TRPM2: variants seen among roughly 807,000 people sequenced by gnomAD.
TRPM2 encodes estrogen-responsive element-associated gene 1 protein.
In TRPM2, 161 loss-of-function variants were observed where a neutral mutation model predicts 174.0. The observed-to-expected ratio is 0.93, with a 90% CI of 0.81 to 1.05. The LOEUF is 1.05. TRPM2 is among the 50% of genes least tolerant of loss of function. The pLI is 0.00. For synonymous variants in TRPM2, 954 were observed against 861.3 expected, an observed-to-expected ratio of 1.11 and a Z score of -1.88; for missense variants, 2,057 against 2,038.0, an observed-to-expected ratio of 1.01 and a Z score of -0.18.
Position 44,432,856 on chromosome 21 carries a change from C to T in TRPM2, c.3975-2275C>T, listed in dbSNP as rs774792519. Among the ~76,000 whole-genome samples, 26 of 152,154 alleles carry T rather than the reference C, an allele frequency of 1.7e-4. No individual in the cohort carries two copies. Among genetic ancestry groups the T allele is most frequent in the Non-Finnish European group, 3.1e-4 (21 of 68,036 alleles). ...CGTGTGATTGCTGTAGCCAGACTGT[C>T]GCTGTTTTTGCGCTTTGGGGTTGTG... On this transcript the variant is annotated intron_variant, in intron 27 of 31. Coordinates refer to ENST00000397928, the MANE Select transcript of TRPM2 (RefSeq NM_003307.4). This position sits in a 1 kb window ranked among gnomAD's most constrained non-coding sequence, Gnocchi z 4.9.
chr21:44,392,712 G>C (rs948880557), intron 11 of TRPM2, among the ~76,000 whole-genome samples: 2 of 152,006 alleles, frequency 1.3e-5, no homozygotes, highest in East Asian at 1.9e-4. Flanking sequence ...TGAATTTTAG[G>C]GGGGACAGAG....
At position 44,435,008 on chromosome 21, in the gene TRPM2, C is replaced by T. The variant is rs148929097; in HGVS notation, c.3975-123C>T. 70 of 910,328 alleles carry T rather than the reference C, an allele frequency of 7.7e-5. No individual in the cohort carries two copies. In the East Asian group the frequency reaches 1.7e-3, roughly 22 times the overall value. 56.4% of individuals were successfully genotyped at this position (910,328 alleles called of 1,614,324 possible). ...GGCCAGAGCAGGTCTCTAAAGAAGC[C>T]TGCATGCTGTCCCGCTGTGCGCCGG... On this transcript the variant is annotated intron_variant, in intron 27 of 31. Transcript: ENST00000397928.
intron 5 of TRPM2, among the ~76,000 whole-genome samples, chr21:44,373,611 A>T (rs1242096978): frequency 1.7e-5 from 2 of 115,270 alleles, no homozygotes; most frequent in Non-Finnish European, 3.8e-5. Flanking sequence ...GACCTGCATT[A>T]TATGCGACCT....
At chr21:44,408,466 CCTT>C (rs1786901920) in intron 19 of TRPM2, among the ~76,000 whole-genome samples, 1 of 151,870 alleles carries the variant, frequency 6.6e-6, no homozygotes, top group South Asian at 2.1e-4. Flanking sequence ...AATTTCTCTA[CCTT>C]CTTGTCAACA....
At chr21:44,434,286 C>T (rs743489) in intron 27 of TRPM2, among the ~76,000 whole-genome samples, 3,345 of 149,640 alleles carry the variant, frequency 0.022, 116 homozygotes, top group African/African-American at 0.078. Flanking sequence ...GTGGCAGAGA[C>T]GCTGGCAGGG....
chr21:44,368,908 G>GAGCAC (rs2146165375), intron 4 of TRPM2, among the ~76,000 whole-genome samples: 1 of 152,216 alleles, frequency 6.6e-6, no homozygotes, highest in East Asian at 1.9e-4. Context: ...AATGCAGAGA[G>GAGCAC]GTGCTGAGAA....
At chr21:44,385,797 G>C (rs1054545810) in intron 9 of TRPM2, among the ~76,000 whole-genome samples, 4 of 152,200 alleles carry the variant, frequency 2.6e-5, no homozygotes, top group African/African-American at 9.7e-5. Context: ...GTGACAGGAA[G>C]AAGAGGTGCC....
chr21:44,362,020 A>ATT (rs2048222021), intron 2 of TRPM2, among the ~76,000 whole-genome samples: 1 of 152,088 alleles, frequency 6.6e-6, no homozygotes. Flanking sequence ...ACTATTTTTG[A>ATT]GTGTATCTTC....
intron 22 of TRPM2, among the ~76,000 whole-genome samples, chr21:44,421,889 C>T (rs1023466332): frequency 1.8e-4 from 27 of 152,168 alleles, no homozygotes. Flanking sequence ...TGCACTGCAG[C>T]CTGGGTGACA....
At chr21:44,418,307 C>T (rs1194997380) in intron 21 of TRPM2, 116 bp from the exon 22 acceptor site, 5 of 1,448,420 alleles carry the variant, frequency 3.5e-6, no homozygotes, top group Non-Finnish European at 4.7e-6. Context: ...GTGCGATGGG[C>T]TCTTCCTGCC....
chr21:44,350,640 A>C (rs1348540506), upstream of TRPM2, among the ~76,000 whole-genome samples: 1 of 64,044 alleles, frequency 1.6e-5, no homozygotes, highest in East Asian at 5.1e-4. Context: ...CAGGGGCGCG[A>C]AGGGGCTCCG....
chr21:44,401,691 C>G lies in TRPM2; in HGVS notation c.2332C>G (p.Leu778Val). The change falls in exon 16 of 32, where the codon CTG becomes GTG. Residue 778 changes from leucine to valine, a missense_variant. By Grantham distance (32) the Leu-to-Val change is conservative (BLOSUM62 1). Coordinates refer to ENST00000397928, the MANE Select transcript of TRPM2 (RefSeq NM_003307.4). ...CTGTGACGGCCGCAGGGAGAAGAGG[C>G]TGCAGGATGTGGGCACCCCCGCGGC... ...TGLISFREKR[L>V]QDVGTPAARA... 13 of 1,612,804 alleles carry G rather than the reference C, an allele frequency of 8.1e-6. No homozygotes were observed. Among genetic ancestry groups the G allele is most frequent in the Non-Finnish European group, 1.1e-5 (13 of 1,179,850 alleles).
At chr21:44,403,546 A>G (rs750869563) in intron 16 of TRPM2, among the ~76,000 whole-genome samples, 72 of 140,328 alleles carry the variant, frequency 5.1e-4, no homozygotes, top group Non-Finnish European at 7.8e-4. Flanking sequence ...ACACATAGGC[A>G]CACACACATA....
At chr21:44,385,549 A>G (rs1458918426) in intron 9 of TRPM2, among the ~76,000 whole-genome samples, 1 of 152,264 alleles carries the variant, frequency 6.6e-6, no homozygotes, top group Non-Finnish European at 1.5e-5. Flanking sequence ...GAGCAATTAG[A>G]CAAGAAAAAG....
At position 44,418,114 on chromosome 21, in the gene TRPM2, C is replaced by A. The variant is rs1007078885; in HGVS notation, c.3328+6C>A. On this transcript the variant is annotated splice_donor_region_variant and intron_variant, in intron 21 of 31. Coordinates refer to ENST00000397928, the MANE Select transcript of TRPM2 (RefSeq NM_003307.4). Reference sequence around the variant, plus strand: ...CAAGAGGCACAAGCAGCTCAGTATGCCAGCCCCAGTGCCTCTCCTGAATGT... The same window carrying A: ...CAAGAGGCACAAGCAGCTCAGTATGACAGCCCCAGTGCCTCTCCTGAATGT... 2 of 1,606,192 alleles carry A rather than the reference C, an allele frequency of 1.2e-6. No individual in the cohort carries two copies. Among genetic ancestry groups the A allele is most frequent in the African/African-American group, 2.7e-5 (2 of 74,846 alleles).
chr21:44,441,874 C>A lies in TRPM2; in HGVS notation c.*57C>A. The A allele has an allele frequency of 6.5e-7, 1 of 1,529,578 alleles. No individual in the cohort carries two copies. Among genetic ancestry groups the A allele is most frequent in the Non-Finnish European group, 8.8e-7 (1 of 1,136,236 alleles). The allele number at this position is 1,529,578 out of a possible 1,614,324, so 94.8% of individuals were successfully genotyped here. On this transcript the variant is annotated 3_prime_UTR_variant, in exon 32 of 32. Coordinates refer to ENST00000397928, the MANE Select transcript of TRPM2 (RefSeq NM_003307.4). The stretch of plus-strand genomic sequence containing the variant: ...TAGACGTTCCCCCCAGAAACCAGGG[C>A]TTCTCTCTCCTGAGCCTGGCCAGGA...
At chr21:44,368,204 C>T (rs912232062) in intron 4 of TRPM2, among the ~76,000 whole-genome samples, 10 of 152,182 alleles carry the variant, frequency 6.6e-5, no homozygotes, top group South Asian at 4.1e-4. Flanking sequence ...ATTGCAGCCT[C>T]GACCTCTTGG....
intron 12 of TRPM2, among the ~76,000 whole-genome samples, chr21:44,397,541 C>T (rs956988927): frequency 5.9e-5 from 9 of 152,104 alleles, no homozygotes; most frequent in African/African-American, 1.7e-4. Flanking sequence ...CCACAGGCCA[C>T]GCAGGAGCCT....
chr21:44,411,408 T>C (rs1346971633), intron 19 of TRPM2, among the ~76,000 whole-genome samples: 1 of 152,188 alleles, frequency 6.6e-6, no homozygotes, highest in East Asian at 1.9e-4. Context: ...TAATGACTGG[T>C]ATGTAGACAT....
Sources: gnomAD v4.1 joint callset for allele counts (sites outside exome capture counted in the v4.1 genomes callset) on GRCh38, gnomAD v4.1.1 for gene constraint, Gnocchi (gnomAD v3.1) non-coding constraint, MANE v1.5 for transcripts, NCBI Gene and HGNC (gene_info 2026-07-23, HGNC 2026-07-21) for gene names.